The following ADAMTS13 variants were observed in gnomAD, a reference collection of about 807,000 sequenced individuals.
ADAMTS13 encodes A disintegrin and metalloproteinase with thrombospondin motifs 13.
Under a neutral mutation model 155.1 loss-of-function variants are expected in ADAMTS13, and 110 were observed. That is an observed-to-expected ratio of 0.71 (90% CI 0.61 to 0.83). The LOEUF is 0.83. Among genes scored for constraint, ADAMTS13 ranks in the 40% least tolerant of loss-of-function variants. ADAMTS13 has a pLI of 0.00. For missense variants in ADAMTS13, 1,707 were observed against 1,891.7 expected, an observed-to-expected ratio of 0.90 and a Z score of 1.81; for synonymous variants, 758 against 756.4, an observed-to-expected ratio of 1.00 and a Z score of -0.03.
intron 28 of ADAMTS13, among the ~76,000 whole-genome samples, chr9:133,458,677 G>C (rs1311982817): frequency 2.0e-5 from 3 of 151,376 alleles, no homozygotes; most frequent in Admixed American, 1.3e-4. Context: ...GGACAGAATA[G>C]CACCCTGCAC....
rs898957135 is a variant in ADAMTS13 at position 133,428,626 on chromosome 9, C to A, written c.687-8C>A. ...CCGCCTTAGCGCAACTCCCCGCCCC[C>A]CGACCAGCTTCGGCCTGGAGCACGA... On this transcript the variant is annotated splice_polypyrimidine_tract_variant and splice_region_variant and intron_variant, in intron 6 of 28. Transcript: ENST00000355699. 1.1e-5 allele frequency: 15 copies of A among 1,315,166 alleles called. No homozygotes were observed. The highest frequency in any genetic ancestry group is 1.4e-5 in the Non-Finnish European group (14 of 1,029,422). The allele number at this position is 1,315,166 out of a possible 1,614,324, so 81.5% of individuals were successfully genotyped here.
upstream of ADAMTS13, chr9:133,417,806 C>G: frequency 6.2e-7 from 1 of 1,606,810 alleles, no homozygotes; most frequent in South Asian, 1.1e-5. Context: ...CGGGGCTGCT[C>G]GGGGCGCGCT....
chr9:133,449,762 C>G, intron 22 of ADAMTS13, 21 bp from the exon 23 acceptor site: 1 of 1,613,316 alleles, frequency 6.2e-7, no homozygotes, highest in Non-Finnish European at 8.5e-7. Flanking sequence ...GTTTGGGGTC[C>G]CTGACTCCAG....
intron 2 of ADAMTS13, among the ~76,000 whole-genome samples, chr9:133,423,408 T>C (rs1436199991): frequency 1.3e-5 from 2 of 152,204 alleles, no homozygotes; most frequent in Non-Finnish European, 2.9e-5. Context: ...AAGGGAACGG[T>C]CACCGATTGG....
At chr9:133,420,962 T>C (rs587696677), upstream of ADAMTS13, among the ~76,000 whole-genome samples, 3 of 152,208 alleles carry the variant, frequency 2.0e-5, no homozygotes, top group Non-Finnish European at 2.9e-5. Flanking sequence ...GGTTGTTGAT[T>C]GTAATCAAGA....
chr9:133,419,445 T>C (rs1403530598), upstream of ADAMTS13, among the ~76,000 whole-genome samples: 1 of 152,180 alleles, frequency 6.6e-6, no homozygotes, highest in East Asian at 1.9e-4. Flanking sequence ...ACATAATTAG[T>C]GTTGAAACAT....
chr9:133,449,619 A>G (rs587739354), intron 22 of ADAMTS13, among the ~76,000 whole-genome samples, 164 bp from the exon 23 acceptor site: 1 of 152,320 alleles, frequency 6.6e-6, no homozygotes, highest in East Asian at 1.9e-4. Flanking sequence ...CACTCTGCCA[A>G]GCCTCTTGGT....
At position 133,440,455 on chromosome 9, in the gene ADAMTS13, C is replaced by G; in HGVS notation, c.1898C>G (p.Thr633Ser). The change falls in exon 16 of 29, where the codon ACC becomes AGC. Residue 633 changes from threonine to serine, a missense_variant. This residue lies in a region of ADAMTS13 where 961 missense variants were observed against 1,107.9 expected (regional missense o/e 0.87). Coordinates refer to ENST00000355699, the MANE Select transcript of ADAMTS13 (RefSeq NM_139027.6). This position sits in a 1 kb window ranked among gnomAD's most constrained non-coding sequence, Gnocchi z 4.3. Reference protein sequence around the residue: ...DGRVEYRVALTEDRLPRLEEI... With the variant: ...DGRVEYRVALSEDRLPRLEEI... Reference sequence around the variant, plus strand: ...CGTGTCGAGTACAGAGTGGCCCTCACCGAGGACCGGCTGCCCCGCCTGGAG... The same window carrying G: ...CGTGTCGAGTACAGAGTGGCCCTCAGCGAGGACCGGCTGCCCCGCCTGGAG... 2 of 1,613,740 alleles carry G rather than the reference C, an allele frequency of 1.2e-6. No homozygotes were observed. The highest frequency in any genetic ancestry group is 1.7e-6 in the Non-Finnish European group (2 of 1,179,984).
intron 22 of ADAMTS13, 94 bp downstream of exon 22, chr9:133,448,822 C>T: frequency 6.6e-7 from 1 of 1,526,452 alleles, no homozygotes; most frequent in Non-Finnish European, 8.8e-7. Context: ...CGGAGGGGGG[C>T]AGGTGCTGCT....
chr9:133,458,592 A>AT (rs1261360840), intron 28 of ADAMTS13, among the ~76,000 whole-genome samples: 3 of 142,640 alleles, frequency 2.1e-5, no homozygotes, highest in African/African-American at 7.6e-5. Context: ...ATGGTAAAGA[A>AT]TGGTAAAGAC....
chr9:133,424,436 C>T lies in ADAMTS13; in HGVS notation c.288C>T (p.His96=). 6.2e-7 allele frequency: 1 copy of T among 1,613,906 alleles called. No homozygotes were observed. ...VAVGPDVFQA[H]QEDTERYVLT... ...TGGGCCCCGATGTCTTCCAGGCTCA[C>T]CAGGAGGACACAGAGCGCTATGTGC... The change falls in exon 3 of 29, where the codon CAC becomes CAT. Residue 96 remains histidine, a synonymous_variant. Coordinates refer to ENST00000355699, the MANE Select transcript of ADAMTS13 (RefSeq NM_139027.6). This position sits in a 1 kb window ranked among gnomAD's most constrained non-coding sequence, Gnocchi z 4.3.
chr9:133,419,428 C>T (rs1354877345), upstream of ADAMTS13, among the ~76,000 whole-genome samples: 4 of 152,114 alleles, frequency 2.6e-5, no homozygotes, highest in East Asian at 3.9e-4. Context: ...ATTTGGAAAT[C>T]GTCAGCACAT....
chr9:133,419,208 C>T (rs1171666733), upstream of ADAMTS13, among the ~76,000 whole-genome samples: 3 of 152,072 alleles, frequency 2.0e-5, no homozygotes, highest in African/African-American at 2.4e-5. Context: ...AAGTGAGGCT[C>T]CTAGGATTTT....
rs1286997619 is a variant in ADAMTS13, at chr9:133,424,298, C to G, written c.173-23C>G. On this transcript the variant is annotated intron_variant, in intron 2 of 28. Coordinates refer to ENST00000355699, the MANE Select transcript of ADAMTS13 (RefSeq NM_139027.6). This position sits in a 1 kb window ranked among gnomAD's most constrained non-coding sequence, Gnocchi z 4.3. ...GCTTGCTCTCTAGAACCATCGCCCT[C>G]TGCTCTCCCTCTCCCCCTCCAGGCC... The G allele has an allele frequency of 7.5e-6, 12 of 1,610,302 alleles. No individual in the cohort carries two copies. Among genetic ancestry groups the G allele is most frequent in the Non-Finnish European group, 1.0e-5 (12 of 1,179,860 alleles).
intron 1 of ADAMTS13, chr9:133,415,769 T>G (rs1236479268): frequency 6.6e-6 from 1 of 152,240 alleles, no homozygotes; most frequent in East Asian, 1.9e-4. Context: ...TTATTTTGCT[T>G]TTCTTTCTTG....
chr9:133,418,808 G>T (rs1464612928), upstream of ADAMTS13, among the ~76,000 whole-genome samples: 1 of 152,210 alleles, frequency 6.6e-6, no homozygotes, highest in African/African-American at 2.4e-5. Flanking sequence ...CAGGCCCAGG[G>T]CGCGGCGCCG....
intron 14 of ADAMTS13, 79 bp downstream of exon 14, chr9:133,438,445 G>T: frequency 6.3e-7 from 1 of 1,588,308 alleles, no homozygotes; most frequent in East Asian, 2.3e-5. Flanking sequence ...TTGGTGCAGG[G>T]GCTGCTCAGG....
At chr9:133,422,963 A>G (rs1440228025) in intron 1 of ADAMTS13, 138 bp from the exon 2 acceptor site, 3 of 368,656 alleles carry the variant, frequency 8.1e-6, no homozygotes, top group East Asian at 8.9e-5. Flanking sequence ...TTTTTAAGAC[A>G]TGGGGTCTTG....
upstream of ADAMTS13, among the ~76,000 whole-genome samples, chr9:133,418,595 C>A (rs1554782293): frequency 6.6e-6 from 1 of 152,204 alleles, no homozygotes. Flanking sequence ...AATTCCTGTC[C>A]CTTTTAAGGG....
Sources: gnomAD v4.1 joint callset for allele counts (sites outside exome capture counted in the v4.1 genomes callset) on GRCh38, gnomAD v4.1.1 for gene constraint, gnomAD v4.1.1 regional missense constraint, Gnocchi (gnomAD v3.1) non-coding constraint, MANE v1.5 for transcripts, NCBI Gene and HGNC (gene_info 2026-07-23, HGNC 2026-07-21) for gene names.